The following ST6GALNAC3 variants were observed in gnomAD, a reference collection of about 807,000 sequenced individuals.
The protein encoded by ST6GALNAC3 is ST6 N-acetylgalactosaminide alpha-2,6-sialyltransferase 3, also known as alpha-N-acetylgalactosaminide alpha-2,6-sialyltransferase 3.
ST6GALNAC3 carries 25 observed loss-of-function variants against 32.7 expected under a neutral mutation model. That is an observed-to-expected ratio of 0.76 (90% CI 0.56 to 1.07). ST6GALNAC3 has a LOEUF of 1.07. Ranked by LOEUF, ST6GALNAC3 falls within the 50% of genes least tolerant of loss-of-function variation. The probability of loss-of-function intolerance (pLI) is 0.00; values close to 1 mark genes in which losing one functional copy is unlikely to be tolerated. For missense variants in ST6GALNAC3, 355 were observed against 382.4 expected, an observed-to-expected ratio of 0.93 and a Z score of 0.60; for synonymous variants, 129 against 133.1, an observed-to-expected ratio of 0.97 and a Z score of 0.21.
Position 76,630,447 on chromosome 1 carries a change from A to AT in ST6GALNAC3, c.*1642dup, listed in dbSNP as rs1649236121. 1 of 985,122 alleles carries AT rather than the reference A, an allele frequency of 1.0e-6. No individual in the cohort carries two copies. The highest frequency in any genetic ancestry group is 6.2e-5 in the Admixed American group (1 of 16,224). 61.0% of individuals were successfully genotyped at this position (985,122 alleles called of 1,614,324 possible). A position where few individuals can be genotyped will look rare whatever the true frequency, so the allele number is the denominator to read the frequency against. On this transcript the variant is annotated 3_prime_UTR_variant, in exon 5 of 5. Transcript: ENST00000328299. ...GGATTGAGACAATTCTATTTTTCAT[A>AT]TACTCGTTGCTCATTAAATAGTAAA...
At chr1:76,373,089 G>T (rs1048410645) in intron 2 of ST6GALNAC3, among the ~76,000 whole-genome samples, 8 of 152,264 alleles carry the variant, frequency 5.3e-5, no homozygotes, top group African/African-American at 1.9e-4. Context: ...GAGCCACGGT[G>T]CCTGGCTTCT....
chr1:76,629,715 T>A lies in ST6GALNAC3; in HGVS notation c.*909T>A. Reference sequence around the variant, plus strand: ...TTCAACATCCAACAACACAAAACTATATGATTTTTAAAATCATGAAATAGA... The same window carrying A: ...TTCAACATCCAACAACACAAAACTAAATGATTTTTAAAATCATGAAATAGA... On this transcript the variant is annotated 3_prime_UTR_variant, in exon 5 of 5. Transcript: ENST00000328299. The A allele has an allele frequency of 3.0e-6, 3 of 984,612 alleles. No homozygotes were observed. Among genetic ancestry groups the A allele is most frequent in the Non-Finnish European group, 3.6e-6 (3 of 828,882 alleles). 61.0% of individuals were successfully genotyped at this position (984,612 alleles called of 1,614,324 possible).
At chr1:76,483,076 A>G (rs1203960876) in intron 3 of ST6GALNAC3, among the ~76,000 whole-genome samples, 1 of 152,026 alleles carries the variant, frequency 6.6e-6, no homozygotes, top group Non-Finnish European at 1.5e-5. Flanking sequence ...ATGGCTGCAT[A>G]TTGTTCCATG....
At chr1:76,556,773 C>G (rs1165232381) in intron 3 of ST6GALNAC3, among the ~76,000 whole-genome samples, 8 of 151,996 alleles carry the variant, frequency 5.3e-5, no homozygotes, top group Admixed American at 5.3e-4. Context: ...CATGCACATC[C>G]TTAATTATAT....
chr1:76,590,078 A>T (rs1444871642), intron 3 of ST6GALNAC3, among the ~76,000 whole-genome samples: 1 of 152,132 alleles, frequency 6.6e-6, no homozygotes, highest in Non-Finnish European at 1.5e-5. Flanking sequence ...TGGCCTTGAA[A>T]ATGTGCTCAG....
intron 1 of ST6GALNAC3, among the ~76,000 whole-genome samples, chr1:76,244,582 A>G (rs1369732177): frequency 6.6e-6 from 1 of 152,006 alleles, no homozygotes; most frequent in Non-Finnish European, 1.5e-5. Flanking sequence ...TTGGTTATGG[A>G]TTTGTTATAA....
chr1:76,174,913 C>A (rs1652756056), intron 1 of ST6GALNAC3, among the ~76,000 whole-genome samples: 1 of 152,140 alleles, frequency 6.6e-6, no homozygotes, highest in African/African-American at 2.4e-5. Flanking sequence ...AGTGATCCAT[C>A]TGCCTCAGCC....
intron 1 of ST6GALNAC3, among the ~76,000 whole-genome samples, chr1:76,113,860 CTT>C (rs1003931332): frequency 4.0e-5 from 6 of 151,668 alleles, no homozygotes; most frequent in African/African-American, 1.5e-4. Flanking sequence ...GAGTTTCGCT[CTT>C]GTCACCCAGC....
Position 76,627,495 on chromosome 1 carries a change from C to A in ST6GALNAC3, c.667C>A (p.Leu223Ile), listed in dbSNP as rs1184626. The A allele has an allele frequency of 0.42, 682,554 of 1,610,452 alleles. 148,060 individuals carry two copies. The highest frequency in any genetic ancestry group is 0.63 in the African/African-American group (46,739 of 74,726). ...TCTCAGCACAGGGTGGTTTACCTTC[C>A]TTCTGGCCATGGACGCCTGTTATGG... The part of the protein sequence containing the change: ...SYLSTGWFTF[L>I]LAMDACYGIH... Residue 223 changes from leucine (L) to isoleucine (I), a missense_variant, in exon 4 of 5, where the codon CTT (leucine) becomes ATT (isoleucine). Transcript: ENST00000328299.
chr1:76,322,681 G>A (rs544927783), intron 2 of ST6GALNAC3, among the ~76,000 whole-genome samples: 18 of 152,214 alleles, frequency 1.2e-4, no homozygotes, highest in Non-Finnish European at 2.2e-4. Context: ...AAGAAAGATA[G>A]CCATTACAGA....
chr1:76,368,366 G>T (rs1185790381), intron 2 of ST6GALNAC3, among the ~76,000 whole-genome samples: 1 of 151,988 alleles, frequency 6.6e-6, no homozygotes, highest in African/African-American at 2.4e-5. Context: ...TGCTGTTTCT[G>T]TTTCATGAAA....
In ST6GALNAC3 at chr1:76,627,491, C is replaced by T. The variant is rs146974011; in HGVS notation, c.663C>T (p.Thr221=). Residue 221 remains threonine (T), a synonymous_variant, in exon 4 of 5, where the codon ACC becomes ACT. Transcript: ENST00000328299. ...CATATCTCAGCACAGGGTGGTTTAC[C>T]TTCCTTCTGGCCATGGACGCCTGTT... is the stretch of plus-strand genomic sequence containing the variant. ...SGSYLSTGWF[T]FLLAMDACYG... 6.2e-7 allele frequency: 1 copy of T among 1,612,676 alleles called. No homozygotes were observed. The highest frequency in any genetic ancestry group is 1.1e-5 in the South Asian group (1 of 91,036).
intron 1 of ST6GALNAC3, among the ~76,000 whole-genome samples, chr1:76,261,332 T>C (rs1240477637): frequency 6.6e-6 from 1 of 152,230 alleles, no homozygotes. Flanking sequence ...GCTTTCAAGT[T>C]ACTTCCAGTT....
intron 3 of ST6GALNAC3, among the ~76,000 whole-genome samples, chr1:76,620,901 GT>G (rs2100701666): frequency 6.6e-6 from 1 of 152,154 alleles, no homozygotes; most frequent in South Asian, 2.1e-4. Flanking sequence ...AGTTAAGAAA[GT>G]GAATGAAATC....
intron 1 of ST6GALNAC3, among the ~76,000 whole-genome samples, chr1:76,311,935 A>G (rs1253556111): frequency 1.3e-5 from 2 of 152,160 alleles, no homozygotes; most frequent in Non-Finnish European, 2.9e-5. Context: ...TGTCCTCTCC[A>G]GCATCTGTTG....
chr1:76,630,737 G>A lies in ST6GALNAC3; in HGVS notation c.*1931G>A, dbSNP rs968900284. 3 of 985,402 alleles carry A rather than the reference G, an allele frequency of 3.0e-6. No homozygotes were observed. In the African/African-American group the frequency reaches 5.3e-5, roughly 17 times the overall value. The allele number at this position is 985,402 out of a possible 1,614,324, so 61.0% of individuals were successfully genotyped here. A position where few individuals can be genotyped will look rare whatever the true frequency, so the allele number is the denominator to read the frequency against. ...TATTCACACCCATAAACATTACTAA[G>A]CCCCAGTTCTATCGTTGGAAGGAGT... On this transcript the variant is annotated 3_prime_UTR_variant, in exon 5 of 5. Transcript: ENST00000328299.
rs559549751 is a variant in ST6GALNAC3 at position 76,493,727 on chromosome 1, T to C, written c.623+81310T>C. On this transcript the variant is annotated intron_variant, in intron 3 of 4. Transcript: ENST00000328299. ...GTTTGGTCTGATTTCAGGATCTGTT[T>C]AACATGTATTGATTTATCTGTTAGG... is the stretch of plus-strand genomic sequence containing the variant. Among the ~76,000 whole-genome samples the C allele has an allele frequency of 2.6e-5, 4 of 152,286 alleles. No individual in the cohort carries two copies. The East Asian group carries it at 7.7e-4, about 29-fold the overall frequency.
intron 3 of ST6GALNAC3, among the ~76,000 whole-genome samples, chr1:76,611,172 T>C (rs1259294151): frequency 6.6e-6 from 1 of 151,962 alleles, no homozygotes; most frequent in Non-Finnish European, 1.5e-5. Context: ...CTTTTTAACC[T>C]CTCCTTATCC....
intron 3 of ST6GALNAC3, among the ~76,000 whole-genome samples, chr1:76,587,103 C>T (rs573468992): frequency 6.6e-6 from 1 of 152,126 alleles, no homozygotes; most frequent in Non-Finnish European, 1.5e-5. Flanking sequence ...ATATGAAGGC[C>T]AGTTTGGGTG....
Sources: allele counts gnomAD v4.1 joint callset (sites outside exome capture counted in the v4.1 genomes callset), GRCh38; gene constraint gnomAD v4.1.1; transcripts MANE v1.5; gene names NCBI Gene and HGNC (gene_info 2026-07-23, HGNC 2026-07-21).